Variants in AOPEP observed in about 807,000 individuals in gnomAD.
AOPEP encodes the protein aminopeptidase O (putative).
AOPEP carries 77 observed loss-of-function variants against 98.1 expected under a neutral mutation model. The observed-to-expected ratio is 0.78, with a 90% CI of 0.65 to 0.95. The LOEUF is 0.95. Ranked by LOEUF, AOPEP falls within the 40% of genes least tolerant of loss-of-function variation. The pLI, the probability that AOPEP is intolerant of heterozygous loss-of-function variation, is 0.00. For missense variants in AOPEP, 1,024 were observed against 1,024.7 expected, an observed-to-expected ratio of 1.00 and a Z score of 0.01; for synonymous variants, 346 against 365.3, an observed-to-expected ratio of 0.95 and a Z score of 0.60.
intron 5 of AOPEP, among the ~76,000 whole-genome samples, chr9:94,861,728 T>G (rs1002319633): frequency 6.6e-6 from 1 of 152,212 alleles, no homozygotes. Flanking sequence ...ATAAAACCAC[T>G]GAATGTGCAG....
chr9:95,083,720 ACACACAGTGCACGCAC>A (rs1431776146), intron 16 of AOPEP, among the ~76,000 whole-genome samples: 1 of 151,606 alleles, frequency 6.6e-6, no homozygotes, highest in African/African-American at 2.4e-5. Context: ...CACATGTGGC[ACACACAGTGCACGCAC>A]CACACAGCAC....
intron 9 of AOPEP, among the ~76,000 whole-genome samples, chr9:94,959,253 C>T (rs2058666356): frequency 6.6e-6 from 1 of 152,128 alleles, no homozygotes; most frequent in African/African-American, 2.4e-5. Context: ...CCATGTTAGC[C>T]AGGATGGTCT....
intron 1 of AOPEP, among the ~76,000 whole-genome samples, chr9:94,750,551 C>T (rs1303481053): frequency 6.6e-6 from 1 of 151,922 alleles, no homozygotes; most frequent in Non-Finnish European, 1.5e-5. Context: ...GGCCACTGCA[C>T]TCCAGCCTGG....
At chr9:95,126,523 G>A in the AOPEP span, 76 of 1,613,536 alleles carry the variant, frequency 4.7e-5, no homozygotes, top group African/African-American at 2.7e-4. Context: ...ACAGTGTAAC[G>A]TTTACCTGAA....
chr9:95,147,950 T>C, the AOPEP span, among the ~76,000 whole-genome samples: 1 of 152,166 alleles, frequency 6.6e-6, no homozygotes, highest in African/African-American at 2.4e-5. Flanking sequence ...GGTAGGGAAA[T>C]ACTTAAAGTA....
chr9:95,005,250 C>T (rs2061902908), intron 12 of AOPEP, 30 bp downstream of exon 12: 1 of 1,060,264 alleles, frequency 9.4e-7, no homozygotes, highest in Non-Finnish European at 1.1e-6. Flanking sequence ...TCCCTGCGCC[C>T]CGGTGGCGCC....
the AOPEP span, chr9:95,150,083 C>G: frequency 3.7e-6 from 6 of 1,613,860 alleles, no homozygotes; most frequent in Middle Eastern, 1.6e-4. Flanking sequence ...CGCTCGGGAG[C>G]CATTCTATGG....
intron 16 of AOPEP, among the ~76,000 whole-genome samples, chr9:95,084,219 A>G (rs2070291737): frequency 6.6e-6 from 1 of 152,218 alleles, no homozygotes; most frequent in Admixed American, 6.5e-5. Flanking sequence ...AGTTTTGAAC[A>G]TTGAGTTTTC....
chr9:94,798,615 A>C (rs1847551995), intron 4 of AOPEP, among the ~76,000 whole-genome samples: 1 of 152,154 alleles, frequency 6.6e-6, no homozygotes, highest in South Asian at 2.1e-4. Context: ...TGGTAGATAT[A>C]ATTTAAGCTT....
chr9:94,801,273 CT>C (rs1402488643), intron 5 of AOPEP, among the ~76,000 whole-genome samples: 1 of 152,236 alleles, frequency 6.6e-6, no homozygotes, highest in African/African-American at 2.4e-5. Context: ...ATAGTGCCCC[CT>C]GAGTGGTGAC....
chr9:95,143,319 T>A, the AOPEP span, among the ~76,000 whole-genome samples: 1 of 152,176 alleles, frequency 6.6e-6, no homozygotes, highest in Admixed American at 6.5e-5. Flanking sequence ...AGGTTTTTTA[T>A]GGAGGTCTCA....
At chr9:94,907,589 C>T (rs550910233) in intron 5 of AOPEP, among the ~76,000 whole-genome samples, 2 of 152,226 alleles carry the variant, frequency 1.3e-5, no homozygotes, top group Admixed American at 6.5e-5. Flanking sequence ...CATGTGTGCA[C>T]ACACATGCAC....
chr9:94,973,702 G>A (rs1023824374), intron 10 of AOPEP, among the ~76,000 whole-genome samples: 8 of 152,220 alleles, frequency 5.3e-5, no homozygotes, highest in South Asian at 2.1e-4. Flanking sequence ...CGGAAAGTCC[G>A]CGCTCACTAG....
the AOPEP span, among the ~76,000 whole-genome samples, chr9:95,134,206 G>A: frequency 3.3e-5 from 5 of 152,168 alleles, no homozygotes; most frequent in African/African-American, 9.7e-5. Flanking sequence ...AAACGGGATC[G>A]CGGAGGAAGG....
chr9:95,055,383 G>T (rs552975773), intron 13 of AOPEP, among the ~76,000 whole-genome samples: 160 of 152,260 alleles, frequency 1.1e-3, no homozygotes, highest in Middle Eastern at 3.4e-3. Context: ...TCTTGGTTTT[G>T]TTTTGAGGAA....
the AOPEP span, chr9:95,110,927 T>G: frequency 7.5e-7 from 1 of 1,327,720 alleles, no homozygotes; most frequent in Non-Finnish European, 9.6e-7. Flanking sequence ...ATGACCAACT[T>G]CTTTTTCAGA....
At chr9:95,021,136 C>T (rs1471317865) in intron 13 of AOPEP, among the ~76,000 whole-genome samples, 4 of 152,130 alleles carry the variant, frequency 2.6e-5, no homozygotes, top group African/African-American at 9.7e-5. Flanking sequence ...TGCAGTCTGT[C>T]TAACTTGGCT....
intron 4 of AOPEP, among the ~76,000 whole-genome samples, chr9:94,800,437 G>A (rs1847963735): frequency 6.6e-6 from 1 of 152,174 alleles, no homozygotes; most frequent in African/African-American, 2.4e-5. Context: ...GGAATTGTTT[G>A]TATTTTGGTG....
chr9:95,094,397 CTTCA>C, the AOPEP span, among the ~76,000 whole-genome samples: 1 of 152,170 alleles, frequency 6.6e-6, no homozygotes, highest in Non-Finnish European at 1.5e-5. Flanking sequence ...GCCTCGGTGT[CTTCA>C]TTGTTGTGCA....
Sources: allele counts gnomAD v4.1 joint callset (sites outside exome capture counted in the v4.1 genomes callset), GRCh38; gene constraint gnomAD v4.1.1; transcripts MANE v1.5; gene names NCBI Gene and HGNC (gene_info 2026-07-23, HGNC 2026-07-21).